Variants in PAK1 observed in about 807,000 individuals in gnomAD.
The protein encoded by PAK1 is serine/threonine-protein kinase PAK 1.
A neutral mutation model predicts 67.4 loss-of-function variants in PAK1; 29 were observed. The observed-to-expected ratio is 0.43, with a 90% CI of 0.32 to 0.59. The LOEUF is 0.59. Ranked by LOEUF, PAK1 falls within the 20% of genes least tolerant of loss-of-function variation. The pLI is 0.07. For synonymous variants in PAK1, 223 were observed against 237.4 expected, an observed-to-expected ratio of 0.94 and a Z score of 0.56; for missense variants, 337 against 670.7, an observed-to-expected ratio of 0.50 and a Z score of 5.50.
At chr11:77,512,785 C>T in the PAK1 span, among the ~76,000 whole-genome samples, 3 of 152,122 alleles carry the variant, frequency 2.0e-5, no homozygotes, top group African/African-American at 4.8e-5. Flanking sequence ...CTTGTATCTG[C>T]ATATTATAAA....
At chr11:77,430,865 A>C (rs1007030171) in intron 1 of PAK1, among the ~76,000 whole-genome samples, 1 of 152,210 alleles carries the variant, frequency 6.6e-6, no homozygotes, top group Non-Finnish European at 1.5e-5. Flanking sequence ...GAAGACCAGT[A>C]CCATGGCCTG....
intron 5 of PAK1, among the ~76,000 whole-genome samples, chr11:77,370,998 C>T (rs1225205030): frequency 6.6e-6 from 1 of 152,178 alleles, no homozygotes; most frequent in East Asian, 1.9e-4. Context: ...GTATCATTAC[C>T]TGATGCTTAC....
chr11:77,343,679 C>G (rs1175376676), intron 10 of PAK1, 140 bp downstream of exon 10: 2 of 643,880 alleles, frequency 3.1e-6, no homozygotes, highest in Non-Finnish European at 5.6e-6. Flanking sequence ...TACACAGGGT[C>G]ACATACAGAG....
the PAK1 span, among the ~76,000 whole-genome samples, chr11:77,512,656 ACTATG>A: frequency 6.6e-6 from 1 of 152,190 alleles, no homozygotes; most frequent in African/African-American, 2.4e-5. Flanking sequence ...GAGGTTTCCT[ACTATG>A]CTATTACTAG....
chr11:77,521,096 G>C, the PAK1 span, among the ~76,000 whole-genome samples: 668 of 152,294 alleles, frequency 4.4e-3, 1 homozygote, highest in Middle Eastern at 6.8e-3. Flanking sequence ...ACCTTTATGG[G>C]AAGCTTGGCT....
At chr11:77,482,085 T>C in the PAK1 span, among the ~76,000 whole-genome samples, 2 of 151,622 alleles carry the variant, frequency 1.3e-5, no homozygotes, top group East Asian at 3.9e-4. Context: ...GCCTCCCGGG[T>C]TCAAGCAATT....
intron 1 of PAK1, among the ~76,000 whole-genome samples, chr11:77,394,604 T>C (rs529849): frequency 6.6e-6 from 1 of 152,146 alleles, no homozygotes; most frequent in African/African-American, 2.4e-5. Flanking sequence ...CCCAGCACTT[T>C]GGGAGACCAA....
At chr11:77,348,246 G>A (rs1265021295) in intron 9 of PAK1, among the ~76,000 whole-genome samples, 1 of 152,142 alleles carries the variant, frequency 6.6e-6, no homozygotes, top group Non-Finnish European at 1.5e-5. Flanking sequence ...CTCAATTATT[G>A]TGTACTGGTA....
At chr11:77,490,601 C>T in the PAK1 span, among the ~76,000 whole-genome samples, 1 of 152,280 alleles carries the variant, frequency 6.6e-6, no homozygotes, top group Non-Finnish European at 1.5e-5. Flanking sequence ...AGCCCCTCTG[C>T]CCGGCCGCCA....
chr11:77,479,129 T>G (rs1958091443), upstream of PAK1, among the ~76,000 whole-genome samples: 1 of 151,512 alleles, frequency 6.6e-6, no homozygotes, highest in Non-Finnish European at 1.5e-5. Flanking sequence ...TAGCACTCAT[T>G]GTAATAGATG....
intron 1 of PAK1, among the ~76,000 whole-genome samples, chr11:77,440,950 T>C (rs1956329695): frequency 6.6e-6 from 1 of 152,186 alleles, no homozygotes; most frequent in South Asian, 2.1e-4. Flanking sequence ...GGGATCCATA[T>C]AGGCCAGGGA....
chr11:77,407,964 G>C (rs1953875253), intron 1 of PAK1, among the ~76,000 whole-genome samples: 1 of 152,194 alleles, frequency 6.6e-6, no homozygotes. Context: ...AGGCAGAAAA[G>C]AGGATATAGG....
chr11:77,513,175 C>A, the PAK1 span, among the ~76,000 whole-genome samples: 8 of 152,148 alleles, frequency 5.3e-5, no homozygotes, highest in Non-Finnish European at 8.8e-5. Context: ...AATTCAGTTG[C>A]TGCTGAGTCA....
chr11:77,406,872 G>A (rs2725834), intron 1 of PAK1, among the ~76,000 whole-genome samples: 9,535 of 152,192 alleles, frequency 0.063, 657 homozygotes, highest in East Asian at 0.24. Context: ...TAATGGGAAA[G>A]GCAGATACAT....
chr11:77,498,946 G>A, the PAK1 span, among the ~76,000 whole-genome samples: 13 of 151,658 alleles, frequency 8.6e-5, no homozygotes, highest in Non-Finnish European at 1.8e-4. Flanking sequence ...TGATCCACCC[G>A]CCTTGGCCTC....
At chr11:77,507,809 AGCCACCACACCTG>A in the PAK1 span, among the ~76,000 whole-genome samples, 1 of 152,216 alleles carries the variant, frequency 6.6e-6, no homozygotes, top group Admixed American at 6.5e-5. Flanking sequence ...TACACGCATG[AGCCACCACACCTG>A]GCTCCCCAAT....
intron 14 of PAK1, among the ~76,000 whole-genome samples, chr11:77,329,602 C>G (rs1424028541): frequency 1.3e-5 from 2 of 152,072 alleles, no homozygotes; most frequent in Non-Finnish European, 2.9e-5. Context: ...GCTAAACACT[C>G]TCAATAAATT....
At chr11:77,383,818 C>T (rs1028283150) in intron 2 of PAK1, among the ~76,000 whole-genome samples, 1 of 152,172 alleles carries the variant, frequency 6.6e-6, no homozygotes, top group African/African-American at 2.4e-5. Flanking sequence ...CCAAGCTCTG[C>T]CAGTCACTGT....
chr11:77,507,787 A>G, the PAK1 span, among the ~76,000 whole-genome samples: 3 of 152,250 alleles, frequency 2.0e-5, no homozygotes, highest in East Asian at 5.8e-4. Flanking sequence ...TGGCCTCCCA[A>G]AGCACTGGGA....
Sources: gnomAD v4.1 joint callset for allele counts (sites outside exome capture counted in the v4.1 genomes callset) on GRCh38, gnomAD v4.1.1 for gene constraint, MANE v1.5 for transcripts, NCBI Gene and HGNC (gene_info 2026-07-23, HGNC 2026-07-21) for gene names.